SNRNP25: variants seen among roughly 807,000 people sequenced by gnomAD.
The protein encoded by SNRNP25 is U11/U12 small nuclear ribonucleoprotein 25 kDa protein.
Under a neutral mutation model 23.9 loss-of-function variants are expected in SNRNP25, and 21 were observed. The observed-to-expected ratio is 0.88, with a 90% CI of 0.62 to 1.27. The LOEUF is 1.27. Among genes scored for constraint, SNRNP25 ranks in the 50% most tolerant of loss-of-function variants. The pLI, the probability that SNRNP25 is intolerant of heterozygous loss-of-function variation, is 0.00. For missense variants in SNRNP25, 160 were observed against 156.9 expected (o/e 1.02, Z -0.11); for synonymous variants, 63 against 60.4 (o/e 1.04, Z -0.20).
Position 57,343 on chromosome 16 carries a change from G to A in SNRNP25, c.*200G>A. ...GTGAGCCAGTGCTCCCTCCTTTCAT[G>A]TACTTGGCCTGAGACTGACCTCTCC... On this transcript the variant is annotated 3_prime_UTR_variant, in exon 5 of 5. Transcript: ENST00000293861. 3.2e-6 allele frequency: 2 copies of A among 616,062 alleles called. No homozygotes were observed. Among genetic ancestry groups the A allele is most frequent in the Non-Finnish European group, 5.8e-6 (2 of 347,318 alleles). The allele number at this position is 616,062 out of a possible 1,614,324, so 38.2% of individuals were successfully genotyped here.
chr16:56,152 G>C lies in SNRNP25; in HGVS notation c.239+270G>C, dbSNP rs546198425. 4 of 620,880 alleles carry C rather than the reference G, an allele frequency of 6.4e-6. No individual in the cohort carries two copies. In the African/African-American group the frequency reaches 7.2e-5, roughly 11 times the overall value. 38.5% of individuals were successfully genotyped at this position (620,880 alleles called of 1,614,324 possible). A position where few individuals can be genotyped will look rare whatever the true frequency, so the allele number is the denominator to read the frequency against. On this transcript the variant is annotated intron_variant, in intron 3 of 4. Transcript: ENST00000293861. ...CGAGCTGCTGGGTATCTTCACTTGG[G>C]GACACTGTCGGGAATTTCCAGTGTG...
chr16:54,771 T>C (rs1303857406), intron 1 of SNRNP25, among the ~76,000 whole-genome samples: 1 of 151,990 alleles, frequency 6.6e-6, no homozygotes, highest in Non-Finnish European at 1.5e-5. Flanking sequence ...GGCTGGAGTG[T>C]AGTGGTGCCA....
chr16:55,538 G>A lies in SNRNP25; in HGVS notation c.122G>A (p.Gly41Glu), dbSNP rs1897395822. The A allele has an allele frequency of 6.2e-7, 1 of 1,614,120 alleles. No homozygotes were observed. The highest frequency in any genetic ancestry group is 8.5e-7 in the Non-Finnish European group (1 of 1,180,006). Reference sequence around the variant, plus strand: ...ACGGTCCGAGTGTGCAAGATGGATGGAGAAGTAATGCGTAAGTGCTACCCT... The same window carrying A: ...ACGGTCCGAGTGTGCAAGATGGATGAAGAAGTAATGCGTAAGTGCTACCCT... ...AMTVRVCKMDGEVMPVVVVQS... is the reference protein window; with the variant it reads ...AMTVRVCKMDEEVMPVVVVQS... The change falls in exon 2 of 5, where the codon GGA (glycine) becomes GAA (glutamate). Residue 41 changes from glycine to glutamate, a missense_variant. By Grantham distance (98) the Gly-to-Glu change is moderately conservative. Transcript: ENST00000293861.
rs376195553 is a variant in SNRNP25 at position 56,590 on chromosome 16, G to A, written c.291G>A (p.Thr97=). 18 of 1,613,916 alleles carry A rather than the reference G, an allele frequency of 1.1e-5. No individual in the cohort carries two copies. Among genetic ancestry groups the A allele is most frequent in the Middle Eastern group, 3.3e-4 (2 of 6,082 alleles). ...YHLTSAGEKL[T]EDRKKLRDYG... Reference sequence around the variant, plus strand: ...TGACCTCTGCAGGAGAGAAACTCACGGAAGACAGAAAGAAGCTCCGAGAGT... The same window carrying A: ...TGACCTCTGCAGGAGAGAAACTCACAGAAGACAGAAAGAAGCTCCGAGAGT... The change falls in exon 4 of 5, where the codon ACG becomes ACA. Residue 97 remains threonine (T), a synonymous_variant. Coordinates refer to ENST00000293861, the MANE Select transcript of SNRNP25 (RefSeq NM_024571.4).
Position 53,839 on chromosome 16 carries a change from G to A in SNRNP25, c.-178G>A, listed in dbSNP as rs904177019. On this transcript the variant is annotated 5_prime_UTR_variant, in exon 1 of 5. Transcript: ENST00000293861. The stretch of plus-strand genomic sequence containing the variant: ...CGCTGGGGCGGGCCGCAGTTCCTGC[G>A]CGTGCGCGCTTGGCCTCCCTAGTGC... 2 of 1,395,674 alleles carry A rather than the reference G, an allele frequency of 1.4e-6. No homozygotes were observed. Among genetic ancestry groups the A allele is most frequent in the African/African-American group, 1.5e-5 (1 of 65,564 alleles). The allele number at this position is 1,395,674 out of a possible 1,614,324, so 86.5% of individuals were successfully genotyped here. A position where few individuals can be genotyped will look rare whatever the true frequency, so the allele number is the denominator to read the frequency against.
rs1303003137 is a variant in SNRNP25, at chr16:56,563, T to C, written c.264T>C (p.His88=). ...GGTCCTACGTGTGGAGGACGTACCA[T>C]CTGACCTCTGCAGGAGAGAAACTCA... is the stretch of plus-strand genomic sequence containing the variant. ...ISWSYVWRTY[H]LTSAGEKLTE... is the part of the protein sequence containing the mutation. Residue 88 remains histidine (H), a synonymous_variant, in exon 4 of 5, where the codon CAT becomes CAC. Transcript: ENST00000293861. 1.9e-6 allele frequency: 3 copies of C among 1,613,886 alleles called. No individual in the cohort carries two copies. The highest frequency in any genetic ancestry group is 1.1e-5 in the South Asian group (1 of 91,092).
chr16:57,373 G>C lies in SNRNP25; in HGVS notation c.*230G>C, dbSNP rs1387600609. The C allele has an allele frequency of 3.4e-6, 2 of 581,554 alleles. No individual in the cohort carries two copies. The highest frequency in any genetic ancestry group is 6.1e-6 in the Non-Finnish European group (2 of 325,284). The allele number at this position is 581,554 out of a possible 1,614,324, so 36.0% of individuals were successfully genotyped here. On this transcript the variant is annotated 3_prime_UTR_variant, in exon 5 of 5. Coordinates refer to ENST00000293861, the MANE Select transcript of SNRNP25 (RefSeq NM_024571.4). ...TGGCCTGAGACTGACCTCTCCCTAG[G>C]TCCAAATGCCCTAGTCACATGGCAG...
rs1897404967 is a variant in SNRNP25, at chr16:56,220, G to A, written c.240-319G>A. 5.9e-6 allele frequency: 4 copies of A among 680,482 alleles called. No individual in the cohort carries two copies. In the Admixed American group the frequency reaches 6.1e-5, roughly 10 times the overall value. 42.2% of individuals were successfully genotyped at this position (680,482 alleles called of 1,614,324 possible). On this transcript the variant is annotated intron_variant, in intron 3 of 4. Coordinates refer to ENST00000293861, the MANE Select transcript of SNRNP25 (RefSeq NM_024571.4). ...TAGTTTTGGATGGTACACCTGTAGG[G>A]GCTCCCATCCCCTTCTCACCTGGGT...
At chr16:56,215 G>T (rs1300358269) in intron 3 of SNRNP25, 10 of 678,124 alleles carry the variant, frequency 1.5e-5, no homozygotes, top group South Asian at 4.5e-5. Flanking sequence ...TGGTACACCT[G>T]TAGGGGCTCC....
chr16:55,513 A>G lies in SNRNP25; in HGVS notation c.97A>G (p.Thr33Ala). The change falls in exon 2 of 5, where the codon ACG becomes GCG. Residue 33 changes from threonine to alanine, a missense_variant. Transcript: ENST00000293861. The part of the protein sequence containing the change: ...QIALEYGQAM[T>A]VRVCKMDGEV... ...AGCCCTAGAATACGGCCAGGCAATG[A>G]CGGTCCGAGTGTGCAAGATGGATGG... is the stretch of plus-strand genomic sequence containing the variant. 1 of 1,614,164 alleles carries G rather than the reference A, an allele frequency of 6.2e-7. No homozygotes were observed. Among genetic ancestry groups the G allele is most frequent in the Non-Finnish European group, 8.5e-7 (1 of 1,180,028 alleles).
At chr16:56,450 A>C in intron 3 of SNRNP25, 89 bp from the exon 4 acceptor site, 1 of 1,230,800 alleles carries the variant, frequency 8.1e-7, no homozygotes, top group East Asian at 2.3e-5. Flanking sequence ...CAGGTCCCAT[A>C]GGACTGCATG....
intron 1 of SNRNP25, 134 bp downstream of exon 1, chr16:54,192 G>C (rs1432509415): frequency 2.4e-5 from 26 of 1,065,370 alleles, no homozygotes; most frequent in Non-Finnish European, 3.4e-5. Context: ...GCGTAAACGA[G>C]GGTTTTAACC....
At chr16:56,087 C>T (rs950746061) in intron 3 of SNRNP25, 2 of 622,706 alleles carry the variant, frequency 3.2e-6, no homozygotes, top group Admixed American at 4.9e-5. Context: ...CTGCCTCGGC[C>T]ATCCCCAACA....
At chr16:56,670 C>A (rs1897415019) in intron 4 of SNRNP25, 57 bp downstream of exon 4, 1 of 1,573,268 alleles carries the variant, frequency 6.4e-7, no homozygotes, top group Admixed American at 1.7e-5. Context: ...GCCCCTTAGT[C>A]CCCCATGCTC....
chr16:55,438 T>C lies in SNRNP25; in HGVS notation c.43-21T>C, dbSNP rs1227381545. 7.4e-6 allele frequency: 12 copies of C among 1,611,414 alleles called. No individual in the cohort carries two copies. In the Admixed American group the frequency reaches 2.0e-4, roughly 27 times the overall value. ...GGTAAAGAGAGCCAGGGTTCCCACT[T>C]CTGCCCTTGGTCTTTTGTAGGTTAC... On this transcript the variant is annotated intron_variant, in intron 1 of 4. Transcript: ENST00000293861.
chr16:57,278 C>A lies in SNRNP25; in HGVS notation c.*135C>A. 2 of 884,580 alleles carry A rather than the reference C, an allele frequency of 2.3e-6. No homozygotes were observed. Among genetic ancestry groups the A allele is most frequent in the Non-Finnish European group, 3.7e-6 (2 of 542,858 alleles). The allele number at this position is 884,580 out of a possible 1,614,324, so 54.8% of individuals were successfully genotyped here. On this transcript the variant is annotated 3_prime_UTR_variant, in exon 5 of 5. Transcript: ENST00000293861. Reference sequence around the variant, plus strand: ...TCACCCCAGGCATGCCCAACAGTAACTGTCAGCATAAACCTGGGGGCCCTC... The same window carrying A: ...TCACCCCAGGCATGCCCAACAGTAAATGTCAGCATAAACCTGGGGGCCCTC...
At position 57,333 on chromosome 16, in the gene SNRNP25, C is replaced by T. The variant is rs1897426959; in HGVS notation, c.*190C>T. On this transcript the variant is annotated 3_prime_UTR_variant, in exon 5 of 5. Coordinates refer to ENST00000293861, the MANE Select transcript of SNRNP25 (RefSeq NM_024571.4). ...CTAGGACAGGGTGAGCCAGTGCTCCCTCCTTTCATGTACTTGGCCTGAGAC... is the reference window on the plus strand; with the variant it reads ...CTAGGACAGGGTGAGCCAGTGCTCCTTCCTTTCATGTACTTGGCCTGAGAC... The T allele has an allele frequency of 1.4e-5, 9 of 627,884 alleles. 1 individual carries two copies. In the South Asian group the frequency reaches 1.5e-4, roughly 11 times the overall value. 38.9% of individuals were successfully genotyped at this position (627,884 alleles called of 1,614,324 possible).
At position 57,322 on chromosome 16, in the gene SNRNP25, G is replaced by A; in HGVS notation, c.*179G>A. On this transcript the variant is annotated 3_prime_UTR_variant, in exon 5 of 5. Transcript: ENST00000293861. ...GGCCCTCAGGACTAGGACAGGGTGA[G>A]CCAGTGCTCCCTCCTTTCATGTACT... The A allele has an allele frequency of 3.1e-6, 2 of 646,998 alleles. No homozygotes were observed. Among genetic ancestry groups the A allele is most frequent in the Non-Finnish European group, 5.4e-6 (2 of 367,858 alleles). The allele number at this position is 646,998 out of a possible 1,614,324, so 40.1% of individuals were successfully genotyped here. A position where few individuals can be genotyped will look rare whatever the true frequency, so the allele number is the denominator to read the frequency against.
chr16:55,939 G>C, intron 3 of SNRNP25, 57 bp downstream of exon 3: 2 of 1,507,198 alleles, frequency 1.3e-6, no homozygotes, highest in South Asian at 1.2e-5. Context: ...TGCCCTTCTT[G>C]GCACTGTCAC....
Sources: gnomAD v4.1 joint callset for allele counts (sites outside exome capture counted in the v4.1 genomes callset) on GRCh38, gnomAD v4.1.1 for gene constraint, MANE v1.5 for transcripts, NCBI Gene and HGNC (gene_info 2026-07-23, HGNC 2026-07-21) for gene names.